The following GALNTL6 variants were observed in gnomAD, a reference collection of about 807,000 sequenced individuals.
The protein encoded by GALNTL6 is polypeptide N-acetylgalactosaminyltransferase-like 6.
GALNTL6 carries 46 observed loss-of-function variants against 73.7 expected under a neutral mutation model. The observed-to-expected ratio is 0.62, with a 90% CI of 0.49 to 0.80. The LOEUF (loss-of-function observed/expected upper bound fraction) is 0.80, where lower values mean the gene tolerates loss of function less well. GALNTL6 is among the 30% of genes least tolerant of loss of function. The pLI is 0.00. For missense variants in GALNTL6, 604 were observed against 755.0 expected (o/e 0.80, Z 2.34); for synonymous variants, 259 against 263.7 (o/e 0.98, Z 0.17).
At chr4:172,857,973 C>T (rs2111127362) in intron 7 of GALNTL6, among the ~76,000 whole-genome samples, 1 of 152,272 alleles carries the variant, frequency 6.6e-6, no homozygotes, top group African/African-American at 2.4e-5. Flanking sequence ...ACATGGAGTT[C>T]ACTTAATTTC....
chr4:172,706,100 T>C (rs1734336377), intron 5 of GALNTL6, among the ~76,000 whole-genome samples: 1 of 152,116 alleles, frequency 6.6e-6, no homozygotes. Context: ...TAAAGACCAA[T>C]GACTCAGATT....
intron 3 of GALNTL6, among the ~76,000 whole-genome samples, chr4:172,247,108 C>T (rs1471098541): frequency 6.6e-6 from 1 of 152,042 alleles, no homozygotes; most frequent in East Asian, 1.9e-4. Flanking sequence ...TACAGGCCCT[C>T]TAGTCTCTTC....
At chr4:171,838,864 A>G (rs1735169213) in intron 2 of GALNTL6, among the ~76,000 whole-genome samples, 1 of 152,166 alleles carries the variant, frequency 6.6e-6, no homozygotes, top group Admixed American at 6.6e-5. Flanking sequence ...AGTAAAGGAA[A>G]CACAAGGACG....
rs555987713 is a variant in GALNTL6, at chr4:172,506,005, G to A, written c.553+157316G>A. Among the ~76,000 whole-genome samples, 159 of 53,912 alleles carry A rather than the reference G, an allele frequency of 2.9e-3. 57 individuals are homozygous for A. Among genetic ancestry groups the A allele is most frequent in the African/African-American group, 7.3e-3 (158 of 21,560 alleles). The allele number at this position is 53,912 out of a possible 152,430, so 35.4% of individuals were successfully genotyped here. A position where few individuals can be genotyped will look rare whatever the true frequency, so the allele number is the denominator to read the frequency against. On this transcript the variant is annotated intron_variant, in intron 5 of 12. Transcript: ENST00000506823. ...AAAGAAACAAAAATACACCAAGCTC[G>A]CAGCACATTCAGCATTATCATTAGG...
chr4:172,652,855 T>C (rs1407674956), intron 5 of GALNTL6, among the ~76,000 whole-genome samples: 2 of 152,326 alleles, frequency 1.3e-5, no homozygotes, highest in African/African-American at 4.8e-5. Context: ...GAAGGTTTTC[T>C]GTTTCCTAAT....
chr4:172,680,748 T>C (rs1402671341), intron 5 of GALNTL6, among the ~76,000 whole-genome samples: 2 of 152,202 alleles, frequency 1.3e-5, no homozygotes, highest in African/African-American at 2.4e-5. Flanking sequence ...CTTTGATTAT[T>C]TAAAATCTGT....
At chr4:172,260,758 A>G (rs1738231251) in intron 3 of GALNTL6, among the ~76,000 whole-genome samples, 1 of 151,520 alleles carries the variant, frequency 6.6e-6, no homozygotes, top group Non-Finnish European at 1.5e-5. Context: ...GATGGCTTTT[A>G]TTACCTTGAG....
intron 2 of GALNTL6, among the ~76,000 whole-genome samples, chr4:171,832,504 T>A (rs960458022): frequency 6.6e-6 from 1 of 151,582 alleles, no homozygotes; most frequent in African/African-American, 2.4e-5. Context: ...GAGAGATAGA[T>A]AGATAGATAA....
chr4:172,771,562 T>G lies in GALNTL6; in HGVS notation c.554-37799T>G, dbSNP rs150186168. 1.7e-3 allele frequency among the ~76,000 whole-genome samples: 257 copies of G among 152,314 alleles called. 1 individual carries two copies. Among genetic ancestry groups the G allele is most frequent in the African/African-American group, 6.0e-3 (250 of 41,566 alleles). ...GTATGGAAGACTTTGATTTCCTGTG[T>G]GATGTTTGTAAATTGCTGTTTGTCT... On this transcript the variant is annotated intron_variant, in intron 5 of 12. Transcript: ENST00000506823.
intron 3 of GALNTL6, among the ~76,000 whole-genome samples, chr4:172,231,140 C>T (rs1314574073): frequency 6.6e-6 from 1 of 152,054 alleles, no homozygotes; most frequent in Admixed American, 6.6e-5. Flanking sequence ...AAAATGAGTT[C>T]CTTACCAGCA....
intron 2 of GALNTL6, among the ~76,000 whole-genome samples, chr4:171,974,405 C>T (rs1017439818): frequency 6.6e-6 from 1 of 152,194 alleles, no homozygotes; most frequent in Non-Finnish European, 1.5e-5. Flanking sequence ...ATGCTGACAT[C>T]TGTTCAAGTC....
At chr4:172,428,345 T>C (rs997862624) in intron 5 of GALNTL6, among the ~76,000 whole-genome samples, 3 of 151,964 alleles carry the variant, frequency 2.0e-5, no homozygotes, top group Non-Finnish European at 2.9e-5. Flanking sequence ...GTATGAAAAA[T>C]ACAAAAAGTA....
chr4:172,433,819 T>C (rs1261933404), intron 5 of GALNTL6, among the ~76,000 whole-genome samples: 1 of 152,104 alleles, frequency 6.6e-6, no homozygotes, highest in Non-Finnish European at 1.5e-5. Flanking sequence ...AGGAATATAA[T>C]TGATTTGTGT....
chr4:172,032,622 A>T lies in GALNTL6; in HGVS notation c.139-197034A>T, dbSNP rs369362301. On this transcript the variant is annotated intron_variant, in intron 2 of 12. Transcript: ENST00000506823. ...CATTCATATTGTTAAAACCTGCCTT[A>T]GGTGCTCTGTGGACATAAATAAGAA... 2.6e-5 allele frequency among the ~76,000 whole-genome samples: 4 copies of T among 152,212 alleles called. No individual in the cohort carries two copies. The East Asian group carries it at 7.7e-4, about 29-fold the overall frequency.
chr4:172,012,067 T>C (rs1445087182), intron 2 of GALNTL6, among the ~76,000 whole-genome samples: 1 of 152,058 alleles, frequency 6.6e-6, no homozygotes, highest in Non-Finnish European at 1.5e-5. Context: ...GTTACTTTCA[T>C]CAAGTTAAAC....
chr4:172,814,866 A>G (rs72998193), intron 7 of GALNTL6, among the ~76,000 whole-genome samples: 1,916 of 152,258 alleles, frequency 0.013, 39 homozygotes, highest in African/African-American at 0.041. Flanking sequence ...TTTCTTTTGT[A>G]AAATGAAGCG....
chr4:172,515,004 C>T (rs1223381731), intron 5 of GALNTL6, among the ~76,000 whole-genome samples: 1 of 152,144 alleles, frequency 6.6e-6, no homozygotes, highest in Non-Finnish European at 1.5e-5. Flanking sequence ...GGTCTGAATT[C>T]TTTTGGTTTT....
At chr4:172,964,088 A>G (rs918502855) in intron 10 of GALNTL6, among the ~76,000 whole-genome samples, 2 of 152,196 alleles carry the variant, frequency 1.3e-5, no homozygotes, top group East Asian at 1.9e-4. Context: ...GTGCTGTTCA[A>G]ATAGAAGCAA....
At chr4:172,448,145 T>C (rs1164057481) in intron 5 of GALNTL6, among the ~76,000 whole-genome samples, 1 of 152,216 alleles carries the variant, frequency 6.6e-6, no homozygotes, top group East Asian at 1.9e-4. Flanking sequence ...GAGCCAGCGC[T>C]ACTGATTCTT....
Sources: gnomAD v4.1 joint callset for allele counts (sites outside exome capture counted in the v4.1 genomes callset) on GRCh38, gnomAD v4.1.1 for gene constraint, MANE v1.5 for transcripts, NCBI Gene and HGNC (gene_info 2026-07-23, HGNC 2026-07-21) for gene names.